Variants in BORA observed in about 807,000 individuals in gnomAD.
BORA encodes the protein protein aurora borealis.
A neutral mutation model predicts 55.8 loss-of-function variants in BORA; 26 were observed. The ratio of observed to expected loss-of-function variants is 0.47; its 90% confidence interval spans 0.34 to 0.65. The LOEUF (loss-of-function observed/expected upper bound fraction) is 0.65. Ranked by LOEUF, BORA falls within the 30% of genes least tolerant of loss-of-function variation. The pLI is 0.01. For missense variants in BORA, 568 were observed against 671.5 expected (o/e 0.85, Z 1.70); for synonymous variants, 201 against 216.9 (o/e 0.93, Z 0.64).
At chr13:72,739,202 A>C (rs921159151) in intron 5 of BORA, among the ~76,000 whole-genome samples, 12 of 152,156 alleles carry the variant, frequency 7.9e-5, no homozygotes, top group Non-Finnish European at 1.8e-4. Flanking sequence ...TTTCACCCCC[A>C]GATTCTTTAC....
chr13:72,755,018 T>C, intron 11 of BORA, 133 bp from the exon 12 acceptor site: 3 of 661,806 alleles, frequency 4.5e-6, no homozygotes, highest in Non-Finnish European at 5.2e-6. Context: ...ATTTATAAAA[T>C]ACTGTATCTT....
chr13:72,744,663 T>C (rs941228625), intron 7 of BORA, 102 bp downstream of exon 7: 9 of 881,396 alleles, frequency 1.0e-5, no homozygotes, highest in Admixed American at 5.0e-5. Flanking sequence ...GCAGTGCCTC[T>C]TTCTAAAGAA....
Position 72,744,879 on chromosome 13 carries a change from A to G in BORA, c.512-102A>G, listed in dbSNP as rs2033109368. On this transcript the variant is annotated intron_variant, in intron 7 of 11. Transcript: ENST00000390667. ...AACTTTGCCCTCTTTTTGGGAAAAAATTCAAACATAGTGCATGCTGGCTTC... is the reference window on the plus strand; with the variant it reads ...AACTTTGCCCTCTTTTTGGGAAAAAGTTCAAACATAGTGCATGCTGGCTTC... 8.2e-6 allele frequency: 9 copies of G among 1,100,996 alleles called. No homozygotes were observed. The South Asian group carries it at 1.2e-4, about 15-fold the overall frequency. The allele number at this position is 1,100,996 out of a possible 1,614,324, so 68.2% of individuals were successfully genotyped here.
At chr13:72,740,494 A>G (rs1164754893) in intron 5 of BORA, among the ~76,000 whole-genome samples, 1 of 152,178 alleles carries the variant, frequency 6.6e-6, no homozygotes, top group Non-Finnish European at 1.5e-5. Context: ...CAATATTCAC[A>G]TTTCAGGTGC....
In BORA at chr13:72,744,490, T is replaced by G; in HGVS notation, c.455-15T>G. On this transcript the variant is annotated splice_polypyrimidine_tract_variant and intron_variant, in intron 6 of 11. Transcript: ENST00000390667. Reference sequence around the variant, plus strand: ...TCCCATGTTTGAATTTGTTTATTTATTTGCTTGTTTCCAGCTGCTTGTCAG... The same window carrying G: ...TCCCATGTTTGAATTTGTTTATTTAGTTGCTTGTTTCCAGCTGCTTGTCAG... 6.2e-7 allele frequency: 1 copy of G among 1,606,188 alleles called. No homozygotes were observed. The highest frequency in any genetic ancestry group is 8.5e-7 in the Non-Finnish European group (1 of 1,174,384).
intron 10 of BORA, chr13:72,752,049 T>C (rs1011140372): frequency 2.6e-5 from 4 of 152,186 alleles, no homozygotes; most frequent in African/African-American, 9.7e-5. Context: ...CAATGACATC[T>C]GATTTATGTG....
At chr13:72,729,238 A>AGT in intron 2 of BORA, 145 bp downstream of exon 2, 1 of 738,694 alleles carries the variant, frequency 1.4e-6, no homozygotes, top group Non-Finnish European at 2.0e-6. Flanking sequence ...TTTAAATTGT[A>AGT]GTGTTCATTA....
intron 4 of BORA, among the ~76,000 whole-genome samples, chr13:72,735,315 T>C (rs9573022): frequency 2.0e-5 from 3 of 152,308 alleles, no homozygotes; most frequent in East Asian, 1.9e-4. Context: ...ACAATTTGTC[T>C]TCCTTGTGCC....
intron 3 of BORA, among the ~76,000 whole-genome samples, chr13:72,731,950 TTGA>T (rs2032828927): frequency 6.6e-6 from 1 of 152,198 alleles, no homozygotes; most frequent in African/African-American, 2.4e-5. Flanking sequence ...GTCTTATTTG[TTGA>T]TGTGTTGTTT....
rs1019777146 is a variant in BORA at position 72,728,869 on chromosome 13, A to G, written c.-15-57A>G. 12 of 1,416,910 alleles carry G rather than the reference A, an allele frequency of 8.5e-6. No homozygotes were observed. The African/African-American group carries it at 1.6e-4, about 19-fold the overall frequency. The allele number at this position is 1,416,910 out of a possible 1,614,324, so 87.8% of individuals were successfully genotyped here. On this transcript the variant is annotated intron_variant, in intron 1 of 11. Transcript: ENST00000390667. ...TTGTCGAGTACATTTTAATAGTTAA[A>G]ATTAATATCTATGGGACTTTGTAAT...
intron 4 of BORA, among the ~76,000 whole-genome samples, chr13:72,737,589 A>T (rs1224661182): frequency 6.6e-6 from 1 of 152,196 alleles, no homozygotes; most frequent in Admixed American, 6.5e-5. Flanking sequence ...CAAACAAGCC[A>T]GCTTCAGTGC....
intron 2 of BORA, among the ~76,000 whole-genome samples, chr13:72,730,327 T>C (rs1313878236): frequency 6.6e-6 from 1 of 152,206 alleles, no homozygotes; most frequent in Non-Finnish European, 1.5e-5. Flanking sequence ...AAAATTTATC[T>C]CTTGGTCTTA....
At chr13:72,751,994 T>C (rs764698616) in intron 10 of BORA, among the ~76,000 whole-genome samples, 6 of 152,156 alleles carry the variant, frequency 3.9e-5, no homozygotes, top group Non-Finnish European at 8.8e-5. Flanking sequence ...TGTCAAGGAA[T>C]GTTATCACAG....
At position 72,746,635 on chromosome 13, in the gene BORA, C is replaced by A; in HGVS notation, c.1006C>A (p.Gln336Lys). The A allele has an allele frequency of 6.2e-7, 1 of 1,614,110 alleles. No homozygotes were observed. Among genetic ancestry groups the A allele is most frequent in the Non-Finnish European group, 8.5e-7 (1 of 1,179,994 alleles). ...PIKNWSPMRL[Q>K]MYSGGTQYRT... The stretch of plus-strand genomic sequence containing the variant: ...TAAAAATTGGTCTCCTATGAGACTT[C>A]AGATGTATAGTGGTGGTACTCAGTA... The change falls in exon 10 of 12, where the codon CAG becomes AAG. Residue 336 changes from glutamine to lysine, a missense_variant. Coordinates refer to ENST00000390667, the MANE Select transcript of BORA (RefSeq NM_024808.5).
chr13:72,744,801 G>A (rs1202922676), intron 7 of BORA, among the ~76,000 whole-genome samples, 180 bp from the exon 8 acceptor site: 1 of 152,140 alleles, frequency 6.6e-6, no homozygotes, highest in African/African-American at 2.4e-5. Flanking sequence ...TAACAATGTA[G>A]CACTTAAAAA....
At chr13:72,744,703 T>C in intron 7 of BORA, 142 bp downstream of exon 7, 1 of 690,938 alleles carries the variant, frequency 1.4e-6, no homozygotes, top group Non-Finnish European at 2.4e-6. Context: ...ATTTCTCTTT[T>C]TCTTGAACAT....
At chr13:72,743,998 A>G (rs189415826) in intron 6 of BORA, among the ~76,000 whole-genome samples, 1 of 152,212 alleles carries the variant, frequency 6.6e-6, no homozygotes, top group African/African-American at 2.4e-5. Context: ...TGGCCCCCCA[A>G]AGTGCTAGGA....
intron 3 of BORA, among the ~76,000 whole-genome samples, chr13:72,732,738 A>G (rs2032845573): frequency 6.6e-6 from 1 of 152,204 alleles, no homozygotes; most frequent in East Asian, 1.9e-4. Flanking sequence ...GGTGAGATGA[A>G]TATCTAAAAG....
Position 72,732,224 on chromosome 13 carries a change from A to G in BORA, c.260+837A>G, listed in dbSNP as rs148395618. Among the ~76,000 whole-genome samples, 1,167 of 152,204 alleles carry G rather than the reference A, an allele frequency of 7.7e-3. 15 individuals carry two copies. Among genetic ancestry groups the G allele is most frequent in the Middle Eastern group, 0.014 (4 of 294 alleles). ...CACACAACGTTGCACACATATTGAG[A>G]TATTCTGGTAAATACTTACTGGCTT... On this transcript the variant is annotated intron_variant, in intron 3 of 11. Transcript: ENST00000390667.
Sources: gnomAD v4.1 joint callset for allele counts (sites outside exome capture counted in the v4.1 genomes callset) on GRCh38, gnomAD v4.1.1 for gene constraint, MANE v1.5 for transcripts, NCBI Gene and HGNC (gene_info 2026-07-23, HGNC 2026-07-21) for gene names.